RTN4RL2: variants seen among roughly 807,000 people sequenced by gnomAD.
RTN4RL2 encodes the protein reticulon 4 receptor like 2, also known as reticulon-4 receptor-like 2.
In RTN4RL2, 9 loss-of-function variants were observed where a neutral mutation model predicts 27.8. That is an observed-to-expected ratio of 0.32 (90% CI 0.20 to 0.57). The LOEUF (loss-of-function observed/expected upper bound fraction) is 0.57. RTN4RL2 is among the 20% of genes least tolerant of loss of function. The pLI, the probability that RTN4RL2 is intolerant of heterozygous loss-of-function variation, is 0.90. For missense variants in RTN4RL2, 436 were observed against 596.8 expected, an observed-to-expected ratio of 0.73 and a Z score of 2.81; for synonymous variants, 285 against 297.9, an observed-to-expected ratio of 0.96 and a Z score of 0.45.
At position 57,476,504 on chromosome 11, in the gene RTN4RL2, G is replaced by A. The variant is rs768430105; in HGVS notation, c.856G>A (p.Val286Met). Reference protein sequence around the residue: ...FQRARVSSSDVTCATPPERQG... With the variant: ...FQRARVSSSDMTCATPPERQG... Reference sequence around the variant, plus strand: ...GCGCGCGCGCGTGTCCAGCTCCGACGTGACCTGCGCCACCCCCCCGGAGCG... The same window carrying A: ...GCGCGCGCGCGTGTCCAGCTCCGACATGACCTGCGCCACCCCCCCGGAGCG... The change falls in exon 3 of 3, where the codon GTG becomes ATG. Residue 286 changes from valine (V) to methionine (M), a missense_variant. Val to Met is a conservative substitution (Grantham distance 21). Transcript: ENST00000335099. The surrounding 1 kb of genome is among the most constrained non-coding windows in gnomAD (Gnocchi z 8.2). The A allele has an allele frequency of 2.0e-6, 3 of 1,492,708 alleles. No individual in the cohort carries two copies. Among genetic ancestry groups the A allele is most frequent in the Admixed American group, 2.3e-5 (1 of 43,086 alleles). 92.5% of individuals were successfully genotyped at this position (1,492,708 alleles called of 1,614,324 possible).
intron 2 of RTN4RL2, chr11:57,468,786 G>A: frequency 1.3e-6 from 2 of 1,488,704 alleles, no homozygotes; most frequent in Non-Finnish European, 1.8e-6. Flanking sequence ...AAAGAAAAGG[G>A]TAAATCTCTG....
rs370543386 is a variant in RTN4RL2, at chr11:57,472,153, C to T, written c.514-4009C>T. ...GATTACAGGTGTGAGCCACCGCACC[C>T]GCCGACACTTGTTTTCTCTTTCAGT... On this transcript the variant is annotated intron_variant, in intron 2 of 2. Coordinates refer to ENST00000335099, the MANE Select transcript of RTN4RL2 (RefSeq NM_178570.3). 2.7e-4 allele frequency among the ~76,000 whole-genome samples: 41 copies of T among 151,958 alleles called. No individual in the cohort carries two copies. The East Asian group carries it at 7.2e-3, about 27-fold the overall frequency.
Position 57,468,103 on chromosome 11 carries a change from T to C in RTN4RL2, c.513+13T>C. ...GCTCCACCTACAGGTGAGCCTGCCC[T>C]GCCCCCACCCTCAGCCCCTTTCTGG... On this transcript the variant is annotated intron_variant, in intron 2 of 2. Transcript: ENST00000335099. The C allele has an allele frequency of 6.3e-7, 1 of 1,576,978 alleles. No individual in the cohort carries two copies.
At chr11:57,465,648 G>C (rs892946041) in intron 1 of RTN4RL2, among the ~76,000 whole-genome samples, 1 of 152,056 alleles carries the variant, frequency 6.6e-6, no homozygotes, top group African/African-American at 2.4e-5. Context: ...AAAGTGTAGA[G>C]GTCAAGCTAG....
intron 1 of RTN4RL2, among the ~76,000 whole-genome samples, chr11:57,464,694 C>T (rs537194777): frequency 4.5e-4 from 69 of 152,260 alleles, no homozygotes; most frequent in Middle Eastern, 6.8e-3. Flanking sequence ...CCAGAGGAAT[C>T]GAGGGGACCT....
chr11:57,474,951 TTCCTTCCTC>T (rs1943587779), intron 2 of RTN4RL2, among the ~76,000 whole-genome samples: 2 of 152,190 alleles, frequency 1.3e-5, no homozygotes, highest in African/African-American at 2.4e-5. Context: ...GCAATGTGGC[TTCCTTCCTC>T]TCCTCCCCTG....
rs564656504 is a variant in RTN4RL2, at chr11:57,464,256, G to C, written c.32-3353G>C. 7.8e-4 allele frequency among the ~76,000 whole-genome samples: 119 copies of C among 152,246 alleles called. 1 individual carries two copies. The highest frequency in any genetic ancestry group is 2.8e-3 in the African/African-American group (115 of 41,524). On this transcript the variant is annotated intron_variant, in intron 1 of 2. Coordinates refer to ENST00000335099, the MANE Select transcript of RTN4RL2 (RefSeq NM_178570.3). ...GAGTCTAGGGAGAGAAAGAGGAGTAGGCACCCTTGCCAGCTCCTGCAGAGT... is the reference window on the plus strand; with the variant it reads ...GAGTCTAGGGAGAGAAAGAGGAGTACGCACCCTTGCCAGCTCCTGCAGAGT...
chr11:57,461,843 G>T lies in RTN4RL2; in HGVS notation c.31+947G>T, dbSNP rs372279003. 4.3e-4 allele frequency among the ~76,000 whole-genome samples: 66 copies of T among 152,164 alleles called. No homozygotes were observed. The South Asian group carries it at 0.013, about 31-fold the overall frequency. Reference sequence around the variant, plus strand: ...GTTGGAGACAGGGAACCATGGATGGGAGAGGGGCTGGAGAGGAGGGAAGAG... The same window carrying T: ...GTTGGAGACAGGGAACCATGGATGGTAGAGGGGCTGGAGAGGAGGGAAGAG... On this transcript the variant is annotated intron_variant, in intron 1 of 2. Coordinates refer to ENST00000335099, the MANE Select transcript of RTN4RL2 (RefSeq NM_178570.3).
intron 1 of RTN4RL2, among the ~76,000 whole-genome samples, chr11:57,464,663 T>C (rs771863222): frequency 1.3e-5 from 2 of 152,132 alleles, no homozygotes; most frequent in Admixed American, 6.5e-5. Flanking sequence ...AGTCATCACC[T>C]CAGTAGAACT....
intron 2 of RTN4RL2, among the ~76,000 whole-genome samples, chr11:57,470,330 C>T (rs190960531): frequency 1.6e-4 from 24 of 152,276 alleles, no homozygotes; most frequent in Admixed American, 3.9e-4. Flanking sequence ...TCACTGCAAC[C>T]TCTGCCTCCC....
chr11:57,466,654 G>T (rs1256270604), intron 1 of RTN4RL2, among the ~76,000 whole-genome samples: 1 of 152,152 alleles, frequency 6.6e-6, no homozygotes, highest in East Asian at 1.9e-4. Flanking sequence ...CTCTGCAAGG[G>T]CGAAAAGTAC....
chr11:57,465,980 C>T (rs1168020900), intron 1 of RTN4RL2, among the ~76,000 whole-genome samples: 1 of 149,514 alleles, frequency 6.7e-6, no homozygotes, highest in Non-Finnish European at 1.5e-5. Context: ...AGCAAGACCC[C>T]ATGCCTACAA....
intron 2 of RTN4RL2, among the ~76,000 whole-genome samples, chr11:57,472,422 G>A (rs1943568646): frequency 6.6e-6 from 1 of 151,976 alleles, no homozygotes; most frequent in Non-Finnish European, 1.5e-5. Flanking sequence ...TGTTGCCCAG[G>A]CTGGTCTCAA....
At chr11:57,475,386 T>C (rs1943589969) in intron 2 of RTN4RL2, among the ~76,000 whole-genome samples, 2 of 152,072 alleles carry the variant, frequency 1.3e-5, no homozygotes, top group African/African-American at 4.8e-5. Context: ...AGCACTTCCC[T>C]CATATGATCT....
Position 57,476,739 on chromosome 11 carries a change from C to A in RTN4RL2, c.1091C>A (p.Ala364Glu). The change falls in exon 3 of 3, where the codon GCG becomes GAG. Residue 364 changes from alanine to glutamate, a missense_variant. Physicochemically the swap from Ala to Glu is moderately radical, Grantham distance 107 (BLOSUM62 -1). Around this residue, in one of 3 missense-constraint regions of RTN4RL2, gnomAD observed 365 missense variants for 530.5 expected, o/e 0.69. Coordinates refer to ENST00000335099, the MANE Select transcript of RTN4RL2 (RefSeq NM_178570.3). This position sits in a 1 kb window ranked among gnomAD's most constrained non-coding sequence, Gnocchi z 8.2. ...EDSRGRQGGD[A>E]PTEDDYWGGY... ...TCGCGGGGGCGCCAGGGCGGGGACG[C>A]GCCTACTGAGGACGACTACTGGGGG... is the stretch of plus-strand genomic sequence containing the variant. 6.9e-7 allele frequency: 1 copy of A among 1,447,800 alleles called. No individual in the cohort carries two copies. Among genetic ancestry groups the A allele is most frequent in the Non-Finnish European group, 9.0e-7 (1 of 1,107,690 alleles). The allele number at this position is 1,447,800 out of a possible 1,614,324, so 89.7% of individuals were successfully genotyped here. A position where few individuals can be genotyped will look rare whatever the true frequency, so the allele number is the denominator to read the frequency against.
Position 57,476,693 on chromosome 11 carries a change from C to G in RTN4RL2, c.1045C>G (p.Arg349Gly), listed in dbSNP as rs761699045. 3.5e-6 allele frequency: 5 copies of G among 1,440,024 alleles called. No homozygotes were observed. The highest frequency in any genetic ancestry group is 3.6e-6 in the Non-Finnish European group (4 of 1,105,662). 89.2% of individuals were successfully genotyped at this position (1,440,024 alleles called of 1,614,324 possible). A position where few individuals can be genotyped will look rare whatever the true frequency, so the allele number is the denominator to read the frequency against. Residue 349 changes from arginine (R) to glycine (G), a missense_variant, in exon 3 of 3, where the codon CGA becomes GGA. By Grantham distance (125) the Arg-to-Gly change is moderately radical (BLOSUM62 -2). This residue lies in a region of RTN4RL2 where 365 missense variants were observed against 530.5 expected (regional missense o/e 0.69). Transcript: ENST00000335099. The surrounding 1 kb of genome is among the most constrained non-coding windows in gnomAD (Gnocchi z 8.2). ...CCCAGCCGATCCCTCCACCCTCTAC[C>G]GAGATCTGCCTGCCGAAGACTCGCG... ...APPADPSTLY[R>G]DLPAEDSRGR...
At chr11:57,468,551 C>T (rs78465544) in intron 2 of RTN4RL2, 15,393 of 1,536,200 alleles carry the variant, frequency 0.01, 85 homozygotes, top group Non-Finnish European at 0.012. Context: ...GGGCACTCTG[C>T]CTTCCCCCAG....
Position 57,476,968 on chromosome 11 carries a change from G to C in RTN4RL2, c.*57G>C, listed in dbSNP as rs565148507. ...CGATCCCCGCTTCCCGTCCACCCGG[G>C]GCTGCGGCTCCGGCCCCAGTCGCCC... On this transcript the variant is annotated 3_prime_UTR_variant, in exon 3 of 3. Transcript: ENST00000335099. The surrounding 1 kb of genome is among the most constrained non-coding windows in gnomAD (Gnocchi z 8.2). 1.2e-4 allele frequency: 183 copies of C among 1,483,190 alleles called. 2 individuals are homozygous for C. In the East Asian group the frequency reaches 3.9e-3, roughly 31 times the overall value. 91.9% of individuals were successfully genotyped at this position (1,483,190 alleles called of 1,614,324 possible). A position where few individuals can be genotyped will look rare whatever the true frequency, so the allele number is the denominator to read the frequency against.
intron 1 of RTN4RL2, among the ~76,000 whole-genome samples, chr11:57,464,386 G>A (rs1037159035): frequency 6.6e-6 from 1 of 152,204 alleles, no homozygotes; most frequent in Non-Finnish European, 1.5e-5. Context: ...TCAGTCCGGA[G>A]GCTGGGGGAA....
Sources: allele counts gnomAD v4.1 joint callset (sites outside exome capture counted in the v4.1 genomes callset), GRCh38; gene constraint gnomAD v4.1.1; regional missense constraint gnomAD v4.1.1; non-coding constraint Gnocchi (gnomAD v3.1); transcripts MANE v1.5; gene names NCBI Gene and HGNC (gene_info 2026-07-23, HGNC 2026-07-21).